Variants in LAMA2 observed in about 807,000 individuals in gnomAD.
The protein encoded by LAMA2 is laminin subunit alpha 2, also known as laminin subunit alpha-2.
A neutral mutation model predicts 364.8 loss-of-function variants in LAMA2; 269 were observed. The ratio of observed to expected loss-of-function variants is 0.74; its 90% CI spans 0.67 to 0.82. The LOEUF is 0.82. Among genes scored for constraint, LAMA2 ranks in the 40% least tolerant of loss-of-function variants. The probability of loss-of-function intolerance (pLI) is 0.00; values close to 1 mark genes in which losing one functional copy is unlikely to be tolerated. For synonymous variants in LAMA2, 1,379 were observed against 1,370.6 expected (o/e 1.01, Z -0.14); for missense variants, 3,807 against 3,873.2 (o/e 0.98, Z 0.45).
chr6:129,350,166 G>A (rs9398901), intron 31 of LAMA2, among the ~76,000 whole-genome samples: 99,908 of 152,004 alleles, frequency 0.66, 33,112 homozygotes, highest in East Asian at 0.89. Context: ...TATCTTTAAT[G>A]TAACAGAGAG....
At chr6:129,480,676 CTG>C (rs68082585) in intron 54 of LAMA2, among the ~76,000 whole-genome samples, 14,442 of 152,162 alleles carry the variant, frequency 0.095, 899 homozygotes, top group Non-Finnish European at 0.14. Flanking sequence ...TGAAATGTAA[CTG>C]TTTTAATTTT....
intron 2 of LAMA2, among the ~76,000 whole-genome samples, chr6:129,058,962 G>A (rs1042999392): frequency 2.6e-5 from 4 of 152,194 alleles, no homozygotes; most frequent in Non-Finnish European, 5.9e-5. Flanking sequence ...CTGGGACAAA[G>A]TCTGTTGGGC....
At chr6:129,324,119 G>A (rs1204081768) in intron 28 of LAMA2, among the ~76,000 whole-genome samples, 1 of 152,114 alleles carries the variant, frequency 6.6e-6, no homozygotes, top group African/African-American at 2.4e-5. Flanking sequence ...AAGTGTTGAG[G>A]AACATGGCAT....
chr6:129,331,874 A>G (rs1255687986), intron 29 of LAMA2, among the ~76,000 whole-genome samples: 1 of 152,000 alleles, frequency 6.6e-6, no homozygotes, highest in East Asian at 1.9e-4. Flanking sequence ...ACCTTACTAT[A>G]TCTAACAGCC....
intron 40 of LAMA2, among the ~76,000 whole-genome samples, chr6:129,419,192 G>A (rs1780948669): frequency 6.6e-6 from 1 of 152,058 alleles, no homozygotes. Flanking sequence ...AGATGTCTCA[G>A]GGTTTGTGTC....
chr6:129,255,919 C>T (rs1050646191), intron 14 of LAMA2, among the ~76,000 whole-genome samples: 1 of 152,108 alleles, frequency 6.6e-6, no homozygotes, highest in Non-Finnish European at 1.5e-5. Flanking sequence ...AGAGGTGCAG[C>T]CAACATTTTA....
intron 19 of LAMA2, among the ~76,000 whole-genome samples, chr6:129,288,291 A>G (rs1409573811): frequency 1.3e-5 from 2 of 152,202 alleles, no homozygotes; most frequent in Non-Finnish European, 2.9e-5. Flanking sequence ...CCAAATGATA[A>G]ACATGTTTTT....
chr6:129,398,313 C>T (rs1779770681), intron 37 of LAMA2, among the ~76,000 whole-genome samples: 1 of 152,122 alleles, frequency 6.6e-6, no homozygotes, highest in South Asian at 2.1e-4. Flanking sequence ...AGATTGTAAT[C>T]AGGGACATTG....
rs774419433 is a variant in LAMA2 at position 129,342,319 on chromosome 6, C to T, written c.4312-24C>T. 1.9e-6 allele frequency: 3 copies of T among 1,573,896 alleles called. No individual in the cohort carries two copies. In the Admixed American group the frequency reaches 5.1e-5, roughly 27 times the overall value. On this transcript the variant is annotated intron_variant, in intron 29 of 64. Coordinates refer to ENST00000421865, the MANE Select transcript of LAMA2 (RefSeq NM_000426.4). ...TAACTATCACTAAATTAAAAACAAACTTCTTCTCCCTTTTCCTTTACAGAA... is the reference window on the plus strand; with the variant it reads ...TAACTATCACTAAATTAAAAACAAATTTCTTCTCCCTTTTCCTTTACAGAA...
At chr6:128,964,961 T>C (rs1160609981) in intron 1 of LAMA2, among the ~76,000 whole-genome samples, 3 of 151,960 alleles carry the variant, frequency 2.0e-5, no homozygotes, top group Non-Finnish European at 4.4e-5. Flanking sequence ...CAATCTATCA[T>C]AATAAACCTG....
chr6:129,110,672 G>C (rs1351376240), intron 4 of LAMA2, among the ~76,000 whole-genome samples: 1 of 152,024 alleles, frequency 6.6e-6, no homozygotes, highest in Non-Finnish European at 1.5e-5. Context: ...TGGAGGTGAA[G>C]GAACTGATTT....
chr6:129,393,168 T>C lies in LAMA2; in HGVS notation c.5358T>C (p.Ala1786=), dbSNP rs1360501086. ...LADYKNKVDD[A]WDLLREATDK... ...ACTACAAAAACAAAGTTGATGATGC[T>C]TGGGACCTTTTGAGAGAAGCCACAG... Residue 1786 remains alanine (A), a synonymous_variant, in exon 37 of 65, where the codon GCT becomes GCC. Coordinates refer to ENST00000421865, the MANE Select transcript of LAMA2 (RefSeq NM_000426.4). 1.2e-6 allele frequency: 2 copies of C among 1,614,088 alleles called. No individual in the cohort carries two copies. Among genetic ancestry groups the C allele is most frequent in the South Asian group, 1.1e-5 (1 of 91,084 alleles).
At chr6:128,916,810 T>G (rs1778346385) in intron 1 of LAMA2, among the ~76,000 whole-genome samples, 1 of 152,192 alleles carries the variant, frequency 6.6e-6, no homozygotes, top group Non-Finnish European at 1.5e-5. Context: ...CATCTGAACA[T>G]TCAAGTCAAA....
chr6:129,386,201 C>T (rs1158052637), intron 35 of LAMA2, among the ~76,000 whole-genome samples: 1 of 151,964 alleles, frequency 6.6e-6, no homozygotes, highest in Non-Finnish European at 1.5e-5. Flanking sequence ...AAAGATACAT[C>T]TTTTACAATC....
At chr6:129,348,052 G>A (rs527246500) in intron 30 of LAMA2, among the ~76,000 whole-genome samples, 66 of 152,316 alleles carry the variant, frequency 4.3e-4, no homozygotes, top group African/African-American at 1.4e-3. Context: ...TCGCGTATGC[G>A]TGCATGTGCG....
chr6:128,899,346 C>A (rs192557082), intron 1 of LAMA2, among the ~76,000 whole-genome samples: 287 of 152,286 alleles, frequency 1.9e-3, no homozygotes, highest in African/African-American at 6.5e-3. Flanking sequence ...TTCAGATAAA[C>A]CTCAAGAGCA....
intron 1 of LAMA2, among the ~76,000 whole-genome samples, chr6:128,955,044 G>A (rs186752093): frequency 6.5e-4 from 98 of 151,474 alleles, no homozygotes; most frequent in African/African-American, 2.3e-3. Context: ...TTATTATTGA[G>A]ATGTTTCATG....
chr6:129,387,034 T>C (rs996179358), intron 35 of LAMA2, among the ~76,000 whole-genome samples: 8 of 152,108 alleles, frequency 5.3e-5, no homozygotes, highest in Non-Finnish European at 7.4e-5. Flanking sequence ...ATTGCAACAA[T>C]TGATAATATC....
intron 1 of LAMA2, among the ~76,000 whole-genome samples, chr6:129,037,764 G>T (rs1158287428): frequency 6.6e-6 from 1 of 151,032 alleles, no homozygotes; most frequent in East Asian, 2.0e-4. Context: ...CCGCCTCCCA[G>T]GTTCACGCCA....
Sources: gnomAD v4.1 joint callset for allele counts (sites outside exome capture counted in the v4.1 genomes callset) on GRCh38, gnomAD v4.1.1 for gene constraint, MANE v1.5 for transcripts, NCBI Gene and HGNC (gene_info 2026-07-23, HGNC 2026-07-21) for gene names.